The following MARCHF3 variants were observed in gnomAD, a reference collection of about 807,000 sequenced individuals.
MARCHF3 encodes the protein E3 ubiquitin-protein ligase MARCHF3.
In MARCHF3, 13 loss-of-function variants were observed where a neutral mutation model predicts 24.2. That is an observed-to-expected ratio of 0.54 (90% CI 0.35 to 0.85). MARCHF3 has a LOEUF of 0.85. MARCHF3 is among the 40% of genes least tolerant of loss of function. The pLI is 0.01. For synonymous variants in MARCHF3, 144 were observed against 137.3 expected, an observed-to-expected ratio of 1.05 and a Z score of -0.34; for missense variants, 276 against 325.0, an observed-to-expected ratio of 0.85 and a Z score of 1.16.
chr5:126,966,393 A>C, intron 1 of MARCHF3, among the ~76,000 whole-genome samples: 1 of 152,148 alleles, frequency 6.6e-6, no homozygotes, highest in Non-Finnish European at 1.5e-5. Flanking sequence ...AGTATACATT[A>C]AGAAACAAAA....
chr5:126,943,225 T>C (rs1424512478), intron 1 of MARCHF3, among the ~76,000 whole-genome samples: 3 of 151,986 alleles, frequency 2.0e-5, no homozygotes, highest in Non-Finnish European at 2.9e-5. Flanking sequence ...ACCCAGGAGG[T>C]AGAGGTTGCA....
chr5:126,979,136 A>C (rs1012958016), intron 1 of MARCHF3, among the ~76,000 whole-genome samples: 24 of 152,178 alleles, frequency 1.6e-4, no homozygotes, highest in African/African-American at 5.5e-4. Flanking sequence ...TATCAGTCCT[A>C]TTTATGTTTC....
chr5:126,913,059 A>G (rs1355590178), intron 3 of MARCHF3, among the ~76,000 whole-genome samples: 1 of 152,232 alleles, frequency 6.6e-6, no homozygotes, highest in Non-Finnish European at 1.5e-5. Context: ...TGACCTCAGC[A>G]ACTCTGAAGA....
At chr5:127,003,790 G>A (rs972100438) in intron 1 of MARCHF3, among the ~76,000 whole-genome samples, 1 of 152,190 alleles carries the variant, frequency 6.6e-6, no homozygotes, top group Non-Finnish European at 1.5e-5. Flanking sequence ...TGTCATGAGA[G>A]GATCCCACAA....
At position 126,878,377 on chromosome 5, in the gene MARCHF3, G is replaced by A. The variant is rs938381206; in HGVS notation, c.411C>T (p.Gly137=). 2 of 1,613,064 alleles carry A rather than the reference G, an allele frequency of 1.2e-6. No individual in the cohort carries two copies. The highest frequency in any genetic ancestry group is 1.7e-6 in the Non-Finnish European group (2 of 1,179,560). ...ACAGAGTCCGCTTCTCATGCTGGGG[G>A]CCAGGGTTTCTCAGCCACTGCCAGG... ...RPLVEWLRNP[G]PQHEKRTLFG... The change falls in exon 4 of 5, where the codon GGC becomes GGT. Residue 137 remains glycine (G), a synonymous_variant. Transcript: ENST00000308660.
At position 126,938,769 on chromosome 5, in the gene MARCHF3, A is replaced by G. The variant is rs577563181; in HGVS notation, c.-56-20542T>C. ...TCTGGGAGCTGTGCTGCTGAATTACAGAAAATTAGAATCTGGTTTGAGGAA... is the reference window on the plus strand; with the variant it reads ...TCTGGGAGCTGTGCTGCTGAATTACGGAAAATTAGAATCTGGTTTGAGGAA... On this transcript the variant is annotated intron_variant, in intron 1 of 4. Coordinates refer to ENST00000308660, the MANE Select transcript of MARCHF3 (RefSeq NM_178450.5). 3.6e-4 allele frequency among the ~76,000 whole-genome samples: 55 copies of G among 152,358 alleles called. 1 individual carries two copies. The highest frequency in any genetic ancestry group is 1.3e-3 in the African/African-American group (55 of 41,582).
intron 1 of MARCHF3, among the ~76,000 whole-genome samples, chr5:126,931,215 G>C (rs1360786909): frequency 6.6e-6 from 1 of 152,202 alleles, no homozygotes; most frequent in Non-Finnish European, 1.5e-5. Flanking sequence ...TGGCCAGGAT[G>C]AAAGTGGTTT....
intron 3 of MARCHF3, among the ~76,000 whole-genome samples, chr5:126,892,028 G>T (rs2126776244): frequency 6.6e-6 from 1 of 152,004 alleles, no homozygotes; most frequent in South Asian, 2.1e-4. Flanking sequence ...GGATTCCTAG[G>T]TATTTTATTC....
At chr5:126,890,431 T>G (rs1183559980) in intron 3 of MARCHF3, among the ~76,000 whole-genome samples, 1 of 88,406 alleles carries the variant, frequency 1.1e-5, no homozygotes, top group Admixed American at 1.4e-4. Context: ...ATGCTATCCC[T>G]CCCCCCTCCC....
rs185893135 is a variant in MARCHF3, at chr5:126,950,736, C to T, written c.-56-32509G>A. Among the ~76,000 whole-genome samples, 32 of 152,282 alleles carry T rather than the reference C, an allele frequency of 2.1e-4. No homozygotes were observed. In the East Asian group the frequency reaches 5.8e-3, roughly 28 times the overall value. On this transcript the variant is annotated intron_variant, in intron 1 of 4. Coordinates refer to ENST00000308660, the MANE Select transcript of MARCHF3 (RefSeq NM_178450.5). ...AACAAATATCTGGTTATTTCTTCCA[C>T]CTCAAAAAAGCCCCTCTTTTACTCC...
intron 1 of MARCHF3, among the ~76,000 whole-genome samples, chr5:126,972,988 TTC>T (rs1751068043): frequency 6.6e-6 from 1 of 152,248 alleles, no homozygotes; most frequent in South Asian, 2.1e-4. Context: ...AAAATATTCT[TTC>T]TCTTTGCCTT....
chr5:126,894,560 TGGA>T (rs1279711984), intron 3 of MARCHF3, among the ~76,000 whole-genome samples: 70 of 152,144 alleles, frequency 4.6e-4, no homozygotes, highest in African/African-American at 1.6e-3. Flanking sequence ...TTAGTTTGGC[TGGA>T]TATGAAATTC....
chr5:126,959,901 T>A (rs1750583726), intron 1 of MARCHF3, among the ~76,000 whole-genome samples: 1 of 152,122 alleles, frequency 6.6e-6, no homozygotes, highest in African/African-American at 2.4e-5. Flanking sequence ...TGTACCTTTG[T>A]CTCCTAGGTT....
intron 1 of MARCHF3, among the ~76,000 whole-genome samples, chr5:126,941,162 T>C (rs1163992591): frequency 3.3e-5 from 5 of 152,196 alleles, no homozygotes. Flanking sequence ...GTAAAAGAGT[T>C]ATTTTTTATA....
At chr5:126,922,832 C>T (rs1170701128) in intron 1 of MARCHF3, among the ~76,000 whole-genome samples, 1 of 152,170 alleles carries the variant, frequency 6.6e-6, no homozygotes, top group East Asian at 1.9e-4. Context: ...AGGCGTGAGC[C>T]ACTGCGCCCA....
intron 1 of MARCHF3, among the ~76,000 whole-genome samples, chr5:126,952,963 C>T (rs1205546853): frequency 6.6e-6 from 1 of 152,092 alleles, no homozygotes; most frequent in East Asian, 1.9e-4. Context: ...TGCTTCAGAA[C>T]CAAGTAGTGT....
intron 1 of MARCHF3, among the ~76,000 whole-genome samples, chr5:126,988,811 A>T (rs533633996): frequency 2.0e-5 from 3 of 152,288 alleles, no homozygotes; most frequent in African/African-American, 7.2e-5. Context: ...CCACAGAGAC[A>T]TGTTGTCCTT....
intron 1 of MARCHF3, among the ~76,000 whole-genome samples, chr5:126,952,295 T>G (rs1750271452): frequency 6.6e-6 from 1 of 152,180 alleles, no homozygotes; most frequent in Admixed American, 6.5e-5. Context: ...GGAGGGAGAA[T>G]GAGCAAGAGA....
chr5:126,908,747 T>C (rs1754396830), intron 3 of MARCHF3, among the ~76,000 whole-genome samples: 1 of 150,648 alleles, frequency 6.6e-6, no homozygotes, highest in Non-Finnish European at 1.5e-5. Flanking sequence ...AGTTTTCAAC[T>C]TCTTTGCCTT....
Sources: allele counts gnomAD v4.1 joint callset (sites outside exome capture counted in the v4.1 genomes callset), GRCh38; gene constraint gnomAD v4.1.1; transcripts MANE v1.5; gene names NCBI Gene and HGNC (gene_info 2026-07-23, HGNC 2026-07-21).